RAPGEF5: variants seen among roughly 807,000 people sequenced by gnomAD.
The protein encoded by RAPGEF5 is Rap guanine nucleotide exchange factor 5, also known as M-Ras-regulated GEF.
In RAPGEF5, 65 loss-of-function variants were observed where a neutral mutation model predicts 125.2. The observed-to-expected ratio is 0.52, with a 90% CI of 0.43 to 0.64. The LOEUF (loss-of-function observed/expected upper bound fraction) is 0.64. Ranked by LOEUF, RAPGEF5 falls within the 30% of genes least tolerant of loss-of-function variation. RAPGEF5 has a pLI of 0.00. For missense variants in RAPGEF5, 958 were observed against 1,048.1 expected (o/e 0.91, Z 1.19); for synonymous variants, 391 against 385.9 (o/e 1.01, Z -0.16).
intron 9 of RAPGEF5, among the ~76,000 whole-genome samples, chr7:22,211,161 T>C (rs1472642847): frequency 6.6e-6 from 1 of 152,196 alleles, no homozygotes; most frequent in Admixed American, 6.5e-5. Flanking sequence ...CAGATGGAAT[T>C]TTTCCTTTCC....
chr7:22,219,799 A>C, intron 9 of RAPGEF5, 67 bp downstream of exon 9: 1 of 1,502,482 alleles, frequency 6.7e-7, no homozygotes, highest in Admixed American at 2.1e-5. Context: ...TTTCGTTCAA[A>C]CATGCAATCA....
chr7:22,314,020 G>C (rs1233628070), intron 3 of RAPGEF5, among the ~76,000 whole-genome samples: 1 of 152,118 alleles, frequency 6.6e-6, no homozygotes, highest in African/African-American at 2.4e-5. Context: ...TACACACAAA[G>C]GCATTGTTTG....
chr7:22,319,405 G>C (rs1320435156), intron 1 of RAPGEF5, among the ~76,000 whole-genome samples: 10 of 152,142 alleles, frequency 6.6e-5, no homozygotes, highest in Admixed American at 6.5e-4. Flanking sequence ...AGGCCACATG[G>C]CCCTCACATT....
chr7:22,340,466 T>C (rs531003940), intron 1 of RAPGEF5, among the ~76,000 whole-genome samples: 2 of 152,274 alleles, frequency 1.3e-5, no homozygotes, highest in South Asian at 2.1e-4. Flanking sequence ...GCACAGAAAG[T>C]GGACCTGAGT....
intron 17 of RAPGEF5, among the ~76,000 whole-genome samples, chr7:22,151,507 G>C (rs371009858): frequency 2.8e-5 from 4 of 142,002 alleles, no homozygotes. Context: ...TGTCACCCAG[G>C]CTAGAGTGCA....
intron 9 of RAPGEF5, among the ~76,000 whole-genome samples, chr7:22,219,593 T>C (rs1543886): frequency 0.024 from 3,701 of 152,018 alleles, 195 homozygotes; most frequent in East Asian, 0.16. Flanking sequence ...AGCAGGATCA[T>C]AAATAGATAA....
chr7:22,179,663 A>G lies in RAPGEF5; in HGVS notation c.1205-12515T>C, dbSNP rs556434047. Reference sequence around the variant, plus strand: ...TCACAAAGATCTTGCTGATAAAACAACATGTGGTAAAGAAGCCAGCCAAAT... The same window carrying G: ...TCACAAAGATCTTGCTGATAAAACAGCATGTGGTAAAGAAGCCAGCCAAAT... On this transcript the variant is annotated intron_variant, in intron 11 of 25. Transcript: ENST00000665637. Among the ~76,000 whole-genome samples the G allele has an allele frequency of 1.3e-5, 2 of 151,904 alleles. 1 individual carries two copies. The highest frequency in any genetic ancestry group is 4.2e-4 in the South Asian group (2 of 4,788).
chr7:22,158,960 T>G (rs1353376085), intron 14 of RAPGEF5, among the ~76,000 whole-genome samples: 1 of 152,216 alleles, frequency 6.6e-6, no homozygotes, highest in Non-Finnish European at 1.5e-5. Flanking sequence ...ATCATTTTCT[T>G]ATTTTACTTT....
At chr7:22,234,781 T>G (rs1237311681) in intron 7 of RAPGEF5, among the ~76,000 whole-genome samples, 1 of 151,956 alleles carries the variant, frequency 6.6e-6, no homozygotes, top group African/African-American at 2.4e-5. Flanking sequence ...CAAAACAGGT[T>G]TTCTCTCCCC....
In RAPGEF5 at chr7:22,239,926, T is replaced by C. The variant is rs1413038337; in HGVS notation, c.797-9007A>G. Among the ~76,000 whole-genome samples the C allele has an allele frequency of 2.6e-5, 4 of 152,078 alleles. No individual in the cohort carries two copies. In the East Asian group the frequency reaches 7.7e-4, roughly 29 times the overall value. ...ATGTACTGGAAAAAAGGTTTTTTTT[T>C]GGCCGGGTGTGGTGGCTCATGCCTG... On this transcript the variant is annotated intron_variant, in intron 7 of 25. Transcript: ENST00000665637.
intron 6 of RAPGEF5, among the ~76,000 whole-genome samples, chr7:22,277,348 C>T (rs577762155): frequency 6.6e-6 from 1 of 152,168 alleles, no homozygotes; most frequent in Non-Finnish European, 1.5e-5. Flanking sequence ...AATTCAAATC[C>T]AAATTCAAAT....
At chr7:22,128,209 T>A (rs1278953921) in intron 24 of RAPGEF5, among the ~76,000 whole-genome samples, 1 of 152,196 alleles carries the variant, frequency 6.6e-6, no homozygotes, top group East Asian at 1.9e-4. Flanking sequence ...AAGATGATGC[T>A]CTTAACATCG....
intron 1 of RAPGEF5, among the ~76,000 whole-genome samples, chr7:22,332,720 C>T (rs966623917): frequency 6.6e-6 from 1 of 152,214 alleles, no homozygotes; most frequent in Admixed American, 6.5e-5. Flanking sequence ...ATAGTCCTCA[C>T]CTAAGTCCTA....
At chr7:22,131,635 A>G (rs1276800440) in intron 23 of RAPGEF5, among the ~76,000 whole-genome samples, 1 of 152,224 alleles carries the variant, frequency 6.6e-6, no homozygotes. Flanking sequence ...AAGTGAGGAA[A>G]GAGGCAGGCT....
chr7:22,309,046 G>A lies in RAPGEF5; in HGVS notation c.512-539C>T, dbSNP rs143419307. 7.0e-3 allele frequency among the ~76,000 whole-genome samples: 1,062 copies of A among 152,222 alleles called. 18 individuals carry two copies. The highest frequency in any genetic ancestry group is 0.024 in the African/African-American group (1,011 of 41,528). ...AACCCTACAATGTACGGGACAGCCCGTCACAACAAAGAACTATCTAACCCA... is the reference window on the plus strand; with the variant it reads ...AACCCTACAATGTACGGGACAGCCCATCACAACAAAGAACTATCTAACCCA... On this transcript the variant is annotated intron_variant, in intron 4 of 25. Coordinates refer to ENST00000665637, the MANE Select transcript of RAPGEF5 (RefSeq NM_012294.5).
chr7:22,282,267 T>C (rs1355898296), intron 6 of RAPGEF5, among the ~76,000 whole-genome samples: 1 of 152,176 alleles, frequency 6.6e-6, no homozygotes, highest in Non-Finnish European at 1.5e-5. Context: ...GTATTTTTTT[T>C]CCTCTGAATT....
intron 7 of RAPGEF5, among the ~76,000 whole-genome samples, chr7:22,256,196 C>T (rs995916689): frequency 6.6e-6 from 1 of 152,292 alleles, no homozygotes; most frequent in Middle Eastern, 3.4e-3. Flanking sequence ...CCAACAAGAT[C>T]GCTTAGCAAA....
intron 19 of RAPGEF5, among the ~76,000 whole-genome samples, chr7:22,145,743 T>G (rs1783414873): frequency 6.6e-6 from 1 of 152,120 alleles, no homozygotes; most frequent in South Asian, 2.1e-4. Flanking sequence ...GGGCCGGAAA[T>G]CTGCATTTCT....
At chr7:22,273,771 T>C (rs954642845) in intron 6 of RAPGEF5, among the ~76,000 whole-genome samples, 5 of 152,210 alleles carry the variant, frequency 3.3e-5, no homozygotes, top group African/African-American at 1.2e-4. Flanking sequence ...TTTGAGTTAA[T>C]GGGAGTTGGA....
Sources: gnomAD v4.1 joint callset for allele counts (sites outside exome capture counted in the v4.1 genomes callset) on GRCh38, gnomAD v4.1.1 for gene constraint, MANE v1.5 for transcripts, NCBI Gene and HGNC (gene_info 2026-07-23, HGNC 2026-07-21) for gene names.